Variants in MVP observed in about 807,000 individuals in gnomAD.
MVP encodes the protein major vault protein.
MVP carries 62 observed loss-of-function variants against 83.5 expected under a neutral mutation model. That is an observed-to-expected ratio of 0.74 (90% CI 0.61 to 0.92). The LOEUF is 0.92. MVP is among the 40% of genes least tolerant of loss of function. The pLI, the probability that MVP is intolerant of heterozygous loss-of-function variation, is 0.00. For missense variants in MVP, 1,000 were observed against 1,203.4 expected, an observed-to-expected ratio of 0.83 and a Z score of 2.50; for synonymous variants, 505 against 504.1, an observed-to-expected ratio of 1.00 and a Z score of -0.02.
chr16:29,846,079 G>T (rs1432096027), intron 12 of MVP, 79 bp from the exon 13 acceptor site: 17 of 1,605,300 alleles, frequency 1.1e-5, no homozygotes, highest in Non-Finnish European at 1.2e-5. Context: ...ATGAGACAGT[G>T]CACGGCTACA....
Position 29,841,784 on chromosome 16 carries a change from C to T in MVP, c.1380C>T (p.Tyr460=). The T allele has an allele frequency of 6.2e-7, 1 of 1,613,482 alleles. No individual in the cohort carries two copies. The highest frequency in any genetic ancestry group is 8.5e-7 in the Non-Finnish European group (1 of 1,180,010). ...APRNKTRVVS[Y]RVPHNAAVQV... ...GGAACAAGACCCGTGTGGTCAGCTA[C>T]CGCGTGCCCCACAACGCTGCGGTGC... Residue 460 remains tyrosine (Y), a synonymous_variant, in exon 9 of 15, where the codon TAC becomes TAT. Transcript: ENST00000357402. This position sits in a 1 kb window ranked among gnomAD's most constrained non-coding sequence, Gnocchi z 4.7.
chr16:29,846,238 C>A lies in MVP; in HGVS notation c.2219C>A (p.Ser740Tyr). Residue 740 changes from serine to tyrosine, a missense_variant, in exon 13 of 15, where the codon TCC (serine) becomes TAC (tyrosine). Physicochemically the swap from Ser to Tyr is moderately radical, Grantham distance 144. Coordinates refer to ENST00000357402, the MANE Select transcript of MVP (RefSeq NM_005115.5). ...AEAARIEGEG[S>Y]VLQAKLKAQA... ...GCAGCCCGGATTGAGGGAGAAGGGT[C>A]CGTGCTGCAGGCCAAGCTAAAAGCA... 6.3e-7 allele frequency: 1 copy of A among 1,582,656 alleles called. No individual in the cohort carries two copies. The highest frequency in any genetic ancestry group is 2.3e-5 in the East Asian group (1 of 43,260).
intron 7 of MVP, among the ~76,000 whole-genome samples, chr16:29,838,250 A>G (rs1490332047): frequency 1.3e-5 from 2 of 152,078 alleles, no homozygotes; most frequent in Admixed American, 1.3e-4. Context: ...CCTGGCCAAC[A>G]TGGCAAAACC....
At chr16:29,837,058 G>C in intron 7 of MVP, 100 bp downstream of exon 7, 2 of 1,094,744 alleles carry the variant, frequency 1.8e-6, no homozygotes, top group Non-Finnish European at 1.3e-6. Context: ...CACGTTCTAG[G>C]AACACCTTCT....
chr16:29,829,297 C>T (rs1945195385), intron 1 of MVP, among the ~76,000 whole-genome samples: 1 of 149,392 alleles, frequency 6.7e-6, no homozygotes, highest in Non-Finnish European at 1.5e-5. Context: ...CCAGCCTAGG[C>T]AACATAATGA....
intron 3 of MVP, chr16:29,833,449 G>T: frequency 4.4e-5 from 14 of 315,516 alleles, no homozygotes; most frequent in South Asian, 4.1e-4. Flanking sequence ...GGTGTGCGCC[G>T]CCACCATGCC....
rs374784477 is a variant in MVP, at chr16:29,845,847, G to A, written c.2022-16G>A. On this transcript the variant is annotated splice_polypyrimidine_tract_variant and intron_variant, in intron 11 of 14. Coordinates refer to ENST00000357402, the MANE Select transcript of MVP (RefSeq NM_005115.5). ...GGCCCCATGCCAGCCTCTCACCTGC[G>A]CTCCGTCTCCTCCAGGCATGAGGCT... 2.2e-5 allele frequency: 35 copies of A among 1,611,556 alleles called. No individual in the cohort carries two copies. In the Middle Eastern group the frequency reaches 1.2e-3, roughly 54 times the overall value.
rs2067533417 is a variant in MVP at position 29,841,411 on chromosome 16, G to GGT, written c.1192-184_1192-183dup. On this transcript the variant is annotated intron_variant, in intron 8 of 14. Transcript: ENST00000357402. This position sits in a 1 kb window ranked among gnomAD's most constrained non-coding sequence, Gnocchi z 4.7. Reference sequence around the variant, plus strand: ...GAGGAAACTGAAGCCCAAGGGGTGAGGTAGTTAGCCCACGATGACAGGGCC... The same window carrying GGT: ...GAGGAAACTGAAGCCCAAGGGGTGAGGTGTAGTTAGCCCACGATGACAGGGCC... Among the ~76,000 whole-genome samples, 1 of 152,176 alleles carries GGT rather than the reference G, an allele frequency of 6.6e-6. No individual in the cohort carries two copies. The highest frequency in any genetic ancestry group is 2.1e-4 in the South Asian group (1 of 4,832).
intron 1 of MVP, 91 bp from the exon 2 acceptor site, chr16:29,830,424 C>G: frequency 7.1e-6 from 8 of 1,129,432 alleles, no homozygotes. Flanking sequence ...GGAGGTAGGG[C>G]CGTATCCCAC....
intron 1 of MVP, among the ~76,000 whole-genome samples, chr16:29,823,003 G>A (rs573360821): frequency 1.3e-5 from 2 of 151,532 alleles, no homozygotes; most frequent in East Asian, 2.0e-4. Context: ...CAGCCACTGC[G>A]CCCGGCCTGA....
At chr16:29,833,470 T>A (rs1185049013) in intron 3 of MVP, 4 of 14,866 alleles carry the variant, frequency 2.7e-4, no homozygotes, top group Non-Finnish European at 4.5e-4. Context: ...TGGCTACACT[T>A]TTTTTTTTTT....
intron 11 of MVP, among the ~76,000 whole-genome samples, chr16:29,845,160 C>T (rs554304460): frequency 2.6e-5 from 4 of 151,420 alleles, no homozygotes; most frequent in South Asian, 4.2e-4. Context: ...TGCACTCCAG[C>T]CTGGGCAACA....
At chr16:29,836,457 C>A (rs1471508061) in intron 6 of MVP, among the ~76,000 whole-genome samples, 1 of 150,014 alleles carries the variant, frequency 6.7e-6, no homozygotes, top group Non-Finnish European at 1.5e-5. Flanking sequence ...CACCTGTAAT[C>A]CCAGCTGTAC....
At position 29,836,826 on chromosome 16, in the gene MVP, C is replaced by T. The variant is rs375864007; in HGVS notation, c.777C>T (p.His259=). 4.6e-5 allele frequency: 74 copies of T among 1,613,700 alleles called. No homozygotes were observed. The highest frequency in any genetic ancestry group is 6.0e-5 in the Non-Finnish European group (71 of 1,179,936). Residue 259 remains histidine, a synonymous_variant, in exon 7 of 15, where the codon CAC becomes CAT. Transcript: ENST00000357402. The stretch of plus-strand genomic sequence containing the variant: ...TAACAGTGCAGGACACAGAGGCCCA[C>T]GTGCCAGATGTCCACGAGGAGGTGC... ...WLVTVQDTEA[H]VPDVHEEVLG...
chr16:29,844,467 C>T, intron 10 of MVP, 26 bp from the exon 11 acceptor site: 2 of 1,519,294 alleles, frequency 1.3e-6, no homozygotes, highest in Non-Finnish European at 1.8e-6. Context: ...AAGCAGCTTC[C>T]CCATTCTGGG....
chr16:29,830,799 G>A, intron 2 of MVP, 79 bp from the exon 3 acceptor site: 1 of 1,566,548 alleles, frequency 6.4e-7, no homozygotes, highest in Non-Finnish European at 8.7e-7. Flanking sequence ...CGATAGAGAG[G>A]TTTCTCTCTC....
At chr16:29,829,826 T>A (rs2067428592) in intron 1 of MVP, 1 of 152,250 alleles carries the variant, frequency 6.6e-6, no homozygotes, top group Admixed American at 6.5e-5. Flanking sequence ...AAGGCTCAGT[T>A]CCATCTGGGA....
rs1302893095 is a variant in MVP, at chr16:29,833,947, C to T, written c.458C>T (p.Pro153Leu). The T allele has an allele frequency of 6.2e-7, 1 of 1,613,946 alleles. No homozygotes were observed. The highest frequency in any genetic ancestry group is 8.5e-7 in the Non-Finnish European group (1 of 1,180,012). The stretch of plus-strand genomic sequence containing the variant: ...CTTCCCTCCCCAGGCACGTACATCC[C>T]CCGGAAGGAAGTGGAGGTCGTGGAG... ...WLFEGPGTYI[P>L]RKEVEVVEII... is the part of the protein sequence containing the mutation. Residue 153 changes from proline to leucine, a missense_variant, in exon 5 of 15, where the codon CCC becomes CTC. Transcript: ENST00000357402.
In MVP at chr16:29,841,855, C is replaced by T. The variant is rs181242044; in HGVS notation, c.1436+15C>T. Reference sequence around the variant, plus strand: ...AAGCGAGCCCGGTGAGTGCTGGCAGCGCAGGGTGTAGGGGGTGGCTCTCCA... The same window carrying T: ...AAGCGAGCCCGGTGAGTGCTGGCAGTGCAGGGTGTAGGGGGTGGCTCTCCA... On this transcript the variant is annotated intron_variant, in intron 9 of 14. Transcript: ENST00000357402. The surrounding 1 kb of genome is among the most constrained non-coding windows in gnomAD (Gnocchi z 4.7). The T allele has an allele frequency of 8.1e-5, 131 of 1,608,774 alleles. 2 individuals carry two copies. The South Asian group carries it at 8.6e-4, about 11-fold the overall frequency.
Sources: allele counts gnomAD v4.1 joint callset (sites outside exome capture counted in the v4.1 genomes callset), GRCh38; gene constraint gnomAD v4.1.1; non-coding constraint Gnocchi (gnomAD v3.1); transcripts MANE v1.5; gene names NCBI Gene and HGNC (gene_info 2026-07-23, HGNC 2026-07-21).